TAFA5: variants seen among roughly 807,000 people sequenced by gnomAD.
TAFA5 encodes chemokine-like protein TAFA-5.
A neutral mutation model predicts 15.3 loss-of-function variants in TAFA5; 6 were observed. The observed-to-expected ratio is 0.39, with a 90% confidence interval of 0.21 to 0.77. The LOEUF is 0.77. Among genes scored for constraint, TAFA5 ranks in the 30% least tolerant of loss-of-function variants. The pLI, the probability that TAFA5 is intolerant of heterozygous loss-of-function variation, is 0.41. For missense variants in TAFA5, 161 were observed against 193.1 expected (o/e 0.83, Z 0.98); for synonymous variants, 103 against 80.7 (o/e 1.28, Z -1.48).
intron 2 of TAFA5, among the ~76,000 whole-genome samples, chr22:48,666,348 G>C (rs115596484): frequency 6.6e-6 from 1 of 152,134 alleles, no homozygotes; most frequent in Non-Finnish European, 1.5e-5. Flanking sequence ...TCTTAAGTTC[G>C]TACACTTTAC....
chr22:48,732,260 G>GTTTTGTT (rs111792121), intron 3 of TAFA5, among the ~76,000 whole-genome samples: 47 of 151,106 alleles, frequency 3.1e-4, no homozygotes, highest in Non-Finnish European at 5.2e-4. Flanking sequence ...TTGTTGTTTT[G>GTTTTGTT]TTTTTCTGAG....
chr22:48,539,475 T>C (rs1296994610), intron 1 of TAFA5: 2 of 471,048 alleles, frequency 4.2e-6, no homozygotes, highest in Admixed American at 2.3e-5. Context: ...ACAATTATTG[T>C]GTTGACTTTT....
chr22:48,597,728 C>T (rs564410167), intron 1 of TAFA5, among the ~76,000 whole-genome samples: 19 of 152,362 alleles, frequency 1.2e-4, no homozygotes, highest in Middle Eastern at 3.4e-3. Context: ...CATTGTCATC[C>T]TTTCAGAAAA....
intron 1 of TAFA5, among the ~76,000 whole-genome samples, chr22:48,591,764 G>C (rs1924575642): frequency 6.6e-6 from 1 of 152,190 alleles, no homozygotes; most frequent in Admixed American, 6.5e-5. Flanking sequence ...ATGTTCCCCA[G>C]TCAGGAGATG....
chr22:48,629,561 TG>T (rs1029410296), intron 1 of TAFA5, among the ~76,000 whole-genome samples: 1 of 152,148 alleles, frequency 6.6e-6, no homozygotes, highest in Non-Finnish European at 1.5e-5. Context: ...AAGATTGGGG[TG>T]GGCACATGTT....
At position 48,582,680 on chromosome 22, in the gene TAFA5, GAAATACACCACACACCACACACA is replaced by G. The variant is rs1418091395; in HGVS notation, c.113-63901_113-63879del. 1.9e-4 allele frequency among the ~76,000 whole-genome samples: 8 copies of G among 42,592 alleles called. No individual in the cohort carries two copies. The East Asian group carries it at 6.0e-3, about 32-fold the overall frequency. The allele number at this position is 42,592 out of a possible 152,430, so 27.9% of individuals were successfully genotyped here. On this transcript the variant is annotated intron_variant, in intron 1 of 3. Coordinates refer to ENST00000402357, the MANE Select transcript of TAFA5 (RefSeq NM_001082967.3). ...ACCACACACAAAATACACCACACAC[GAAATACACCACACACCACACACA>G]AAATACACCACACACTACACTCAAA...
At chr22:48,728,605 C>T (rs1326645445) in intron 3 of TAFA5, among the ~76,000 whole-genome samples, 1 of 152,146 alleles carries the variant, frequency 6.6e-6, no homozygotes, top group Non-Finnish European at 1.5e-5. Context: ...TTTAGAATGT[C>T]ATAGAAATAA....
chr22:48,568,347 T>C (rs1383631032), intron 1 of TAFA5, among the ~76,000 whole-genome samples: 1 of 152,236 alleles, frequency 6.6e-6, no homozygotes, highest in Non-Finnish European at 1.5e-5. Context: ...AGAGAGGATG[T>C]GCAACTCACT....
chr22:48,562,764 G>A (rs933636385), intron 1 of TAFA5, among the ~76,000 whole-genome samples: 56 of 152,286 alleles, frequency 3.7e-4, no homozygotes, highest in Non-Finnish European at 5.9e-4. Flanking sequence ...GGGTCAGGGC[G>A]GGTCAGGCCT....
chr22:48,602,107 G>A (rs551136380), intron 1 of TAFA5, among the ~76,000 whole-genome samples: 7 of 152,216 alleles, frequency 4.6e-5, no homozygotes, highest in South Asian at 2.1e-4. Flanking sequence ...AGAATGTGCC[G>A]ACTCCCCAGC....
chr22:48,577,501 C>T (rs115049025), intron 1 of TAFA5, among the ~76,000 whole-genome samples: 12 of 152,322 alleles, frequency 7.9e-5, no homozygotes, highest in African/African-American at 1.9e-4. Flanking sequence ...GGGCCAGCTC[C>T]GCCTGGTGCT....
At chr22:48,572,784 G>A (rs1923634645) in intron 1 of TAFA5, among the ~76,000 whole-genome samples, 1 of 152,196 alleles carries the variant, frequency 6.6e-6, no homozygotes, top group Non-Finnish European at 1.5e-5. Flanking sequence ...TACATACAAA[G>A]TCTAGTAGTG....
chr22:48,540,754 C>T (rs533438897), intron 1 of TAFA5, among the ~76,000 whole-genome samples: 20 of 151,736 alleles, frequency 1.3e-4, no homozygotes, highest in Non-Finnish European at 2.6e-4. Flanking sequence ...AATTTAGTCA[C>T]TAATGTACTG....
At chr22:48,536,501 G>A (rs977744852) in intron 1 of TAFA5, among the ~76,000 whole-genome samples, 8 of 152,244 alleles carry the variant, frequency 5.3e-5, no homozygotes, top group Admixed American at 1.3e-4. Flanking sequence ...TCAGGCGTGC[G>A]CCGTGGCTGA....
chr22:48,617,226 G>A (rs1461452384), intron 1 of TAFA5, among the ~76,000 whole-genome samples: 10 of 148,476 alleles, frequency 6.7e-5, no homozygotes, highest in South Asian at 2.1e-4. Context: ...AGTCACAGGC[G>A]TCCTGGGAAG....
At chr22:48,685,115 G>C (rs911843474) in intron 2 of TAFA5, among the ~76,000 whole-genome samples, 4 of 152,176 alleles carry the variant, frequency 2.6e-5, no homozygotes, top group African/African-American at 9.7e-5. Context: ...TCCAAGGTGG[G>C]GGCTTCCAGG....
intron 3 of TAFA5, among the ~76,000 whole-genome samples, chr22:48,721,214 T>C (rs937520459): frequency 2.6e-5 from 4 of 152,204 alleles, no homozygotes; most frequent in African/African-American, 9.6e-5. Context: ...GTCTTCCCCA[T>C]AGAGGGTTGC....
intron 2 of TAFA5, among the ~76,000 whole-genome samples, chr22:48,667,776 G>GT (rs1927669902): frequency 9.5e-5 from 2 of 21,062 alleles, no homozygotes; most frequent in Non-Finnish European, 7.6e-5. Flanking sequence ...ACTGGGAGCT[G>GT]TAATCCCCCA....
intron 1 of TAFA5, among the ~76,000 whole-genome samples, chr22:48,507,545 C>T (rs1175013795): frequency 6.6e-6 from 1 of 152,190 alleles, no homozygotes; most frequent in Non-Finnish European, 1.5e-5. Context: ...GTTTGCCAGC[C>T]CCTTTTGCCC....
Sources: gnomAD v4.1 joint callset for allele counts (sites outside exome capture counted in the v4.1 genomes callset) on GRCh38, gnomAD v4.1.1 for gene constraint, MANE v1.5 for transcripts, NCBI Gene and HGNC (gene_info 2026-07-23, HGNC 2026-07-21) for gene names.